Variants in B3GLCT observed in about 807,000 individuals in gnomAD.
B3GLCT encodes beta 3-glucosyltransferase.
Under a neutral mutation model 63.4 loss-of-function variants are expected in B3GLCT, and 65 were observed. The observed-to-expected ratio is 1.03, with a 90% CI of 0.84 to 1.26. B3GLCT has a LOEUF of 1.26. Ranked by LOEUF, B3GLCT falls within the 50% of genes most tolerant of loss-of-function variation. The probability of loss-of-function intolerance (pLI) is 0.00; values close to 1 mark genes in which losing one functional copy is unlikely to be tolerated. For missense variants in B3GLCT, 577 were observed against 604.8 expected (o/e 0.95, Z 0.48); for synonymous variants, 233 against 219.2 (o/e 1.06, Z -0.55).
chr13:31,269,366 C>G (rs1002060298), intron 8 of B3GLCT, 89 bp downstream of exon 8: 42 of 926,846 alleles, frequency 4.5e-5, no homozygotes, highest in Non-Finnish European at 6.4e-5. Context: ...CCTAATCTTG[C>G]ATTTTCCCCA....
At chr13:31,312,172 A>G (rs1254961597) in intron 12 of B3GLCT, among the ~76,000 whole-genome samples, 3 of 152,228 alleles carry the variant, frequency 2.0e-5, no homozygotes, top group Non-Finnish European at 2.9e-5. Flanking sequence ...TTCTATGGCC[A>G]CAGAGTCCTA....
At position 31,229,239 on chromosome 13, in the gene B3GLCT, A is replaced by G. The variant is rs765514779; in HGVS notation, c.215A>G (p.Lys72Arg). ...AGTCAAAGTAATTCTTTTCATGCAAAGAGAGCAGAGCAGTTAAAAAAAAGC... is the reference window on the plus strand; with the variant it reads ...AGTCAAAGTAATTCTTTTCATGCAAGGAGAGCAGAGCAGTTAAAAAAAAGC... ...IQSQSNSFHA[K>R]RAEQLKKSIL... The change falls in exon 4 of 15, where the codon AAG becomes AGG. Residue 72 changes from lysine to arginine, a missense_variant. Coordinates refer to ENST00000343307, the MANE Select transcript of B3GLCT (RefSeq NM_194318.4). 35 of 1,613,778 alleles carry G rather than the reference A, an allele frequency of 2.2e-5. No homozygotes were observed. In the South Asian group the frequency reaches 3.8e-4, roughly 18 times the overall value.
At chr13:31,250,264 C>T (rs527496204) in intron 6 of B3GLCT, among the ~76,000 whole-genome samples, 7 of 152,308 alleles carry the variant, frequency 4.6e-5, no homozygotes, top group Admixed American at 6.5e-5. Flanking sequence ...ACCTCCACCT[C>T]CCAGGTTCAA....
At chr13:31,275,375 G>A (rs1221232893) in intron 9 of B3GLCT, among the ~76,000 whole-genome samples, 2 of 152,206 alleles carry the variant, frequency 1.3e-5, no homozygotes, top group African/African-American at 2.4e-5. Flanking sequence ...GAGCCTTTGT[G>A]AGGGACTGCC....
At chr13:31,311,514 G>C (rs1874708265) in intron 12 of B3GLCT, 1 of 152,212 alleles carries the variant, frequency 6.6e-6, no homozygotes. Context: ...AGTTAATTTT[G>C]ATGCAACTAA....
At chr13:31,215,620 C>T (rs1450430348) in intron 2 of B3GLCT, among the ~76,000 whole-genome samples, 1 of 152,032 alleles carries the variant, frequency 6.6e-6, no homozygotes, top group East Asian at 1.9e-4. Flanking sequence ...CATCATGTTG[C>T]CCAGGCTGAT....
At chr13:31,229,470 G>A (rs777306944) in intron 4 of B3GLCT, among the ~76,000 whole-genome samples, 176 bp downstream of exon 4, 1 of 152,166 alleles carries the variant, frequency 6.6e-6, no homozygotes, top group Non-Finnish European at 1.5e-5. Context: ...GGTCAGCTGG[G>A]CGTGGTGGCT....
chr13:31,250,426 G>A (rs1002696985), intron 6 of B3GLCT, among the ~76,000 whole-genome samples: 1 of 152,120 alleles, frequency 6.6e-6, no homozygotes, highest in Non-Finnish European at 1.5e-5. Flanking sequence ...TGCCTGCCTC[G>A]GCCTCCCAAA....
intron 8 of B3GLCT, among the ~76,000 whole-genome samples, chr13:31,272,840 A>G (rs1273294111): frequency 6.6e-6 from 1 of 152,130 alleles, no homozygotes; most frequent in African/African-American, 2.4e-5. Context: ...AACTCATCAT[A>G]TATTTGCCAT....
intron 8 of B3GLCT, among the ~76,000 whole-genome samples, 183 bp from the exon 9 acceptor site, chr13:31,274,326 T>G (rs1424251073): frequency 6.6e-6 from 1 of 152,260 alleles, no homozygotes; most frequent in Admixed American, 6.5e-5. Flanking sequence ...TAGATTACAT[T>G]TATTCACATG....
chr13:31,256,184 T>C (rs1045339544), intron 6 of B3GLCT, among the ~76,000 whole-genome samples: 1 of 152,158 alleles, frequency 6.6e-6, no homozygotes, highest in African/African-American at 2.4e-5. Flanking sequence ...GAAAAAAAAG[T>C]TCATCATCAC....
chr13:31,273,856 C>T (rs1195277364), intron 8 of B3GLCT, among the ~76,000 whole-genome samples: 6 of 152,164 alleles, frequency 3.9e-5, no homozygotes, highest in Admixed American at 1.3e-4. Flanking sequence ...AGAGATTATT[C>T]TTTTCCCTCC....
chr13:31,320,543 A>G (rs1431318001), intron 13 of B3GLCT, among the ~76,000 whole-genome samples: 5 of 152,166 alleles, frequency 3.3e-5, no homozygotes, highest in African/African-American at 4.8e-5. Flanking sequence ...ATAATTACAT[A>G]TGATTTTCCT....
intron 12 of B3GLCT, chr13:31,312,262 C>T (rs982035094): frequency 2.6e-5 from 4 of 152,182 alleles, no homozygotes; most frequent in African/African-American, 9.7e-5. Context: ...TCAAGTAAAA[C>T]ATCTGGCCTC....
At chr13:31,259,596 C>A (rs897416576) in intron 6 of B3GLCT, among the ~76,000 whole-genome samples, 3 of 151,638 alleles carry the variant, frequency 2.0e-5, no homozygotes, top group South Asian at 4.2e-4. Context: ...AACTTGCATG[C>A]GGCATCTTGG....
chr13:31,281,348 C>T (rs1432178308), intron 10 of B3GLCT, among the ~76,000 whole-genome samples: 2 of 152,034 alleles, frequency 1.3e-5, no homozygotes, highest in African/African-American at 4.8e-5. Flanking sequence ...CAAATCTGAA[C>T]AAACTGATTG....
intron 7 of B3GLCT, among the ~76,000 whole-genome samples, chr13:31,267,430 G>T (rs1416999222): frequency 6.6e-6 from 1 of 152,220 alleles, no homozygotes; most frequent in Non-Finnish European, 1.5e-5. Flanking sequence ...CCTTGATGCA[G>T]TTTATTTATG....
At chr13:31,284,783 T>G (rs1255833887) in intron 11 of B3GLCT, 22 bp downstream of exon 11, 4 of 1,223,694 alleles carry the variant, frequency 3.3e-6, no homozygotes, top group Non-Finnish European at 4.9e-6. Context: ...TTCTTACTAC[T>G]CTCCTTATTA....
intron 12 of B3GLCT, among the ~76,000 whole-genome samples, chr13:31,289,360 G>C (rs1239563578): frequency 6.6e-6 from 1 of 152,080 alleles, no homozygotes; most frequent in African/African-American, 2.4e-5. Context: ...CCCAAATGTA[G>C]CAAAAGAGTT....
Sources: gnomAD v4.1 joint callset for allele counts (sites outside exome capture counted in the v4.1 genomes callset) on GRCh38, gnomAD v4.1.1 for gene constraint, MANE v1.5 for transcripts, NCBI Gene and HGNC (gene_info 2026-07-23, HGNC 2026-07-21) for gene names.